WDR33: variants seen among roughly 807,000 people sequenced by gnomAD.
The protein encoded by WDR33 is WD repeat domain 33, also known as pre-mRNA 3' end processing protein WDR33.
WDR33 carries 47 observed loss-of-function variants against 164.9 expected under a neutral mutation model. The ratio of observed to expected loss-of-function variants is 0.29; its 90% confidence interval spans 0.23 to 0.36. WDR33 has a LOEUF of 0.36. Ranked by LOEUF, WDR33 falls within the 10% of genes least tolerant of loss-of-function variation. WDR33 has a pLI of 1.00. For synonymous variants in WDR33, 505 were observed against 589.0 expected (o/e 0.86, Z 2.06); for missense variants, 1,137 against 1,754.1 (o/e 0.65, Z 6.28).
In WDR33 at chr2:127,708,054, C is replaced by A. The variant is rs1399311831; in HGVS notation, c.3781+623G>T. ...GCTGGGGCATGCGGGGAGCAGCCTT[C>A]CCAGAAGCTTCCGAGCCACACCACC... On this transcript the variant is annotated intron_variant, in intron 21 of 21. Transcript: ENST00000322313. The surrounding 1 kb of genome is among the most constrained non-coding windows in gnomAD (Gnocchi z 6.7). Among the ~76,000 whole-genome samples, 2 of 152,240 alleles carry A rather than the reference C, an allele frequency of 1.3e-5. No homozygotes were observed. The highest frequency in any genetic ancestry group is 3.4e-3 in the Middle Eastern group (1 of 294).
At chr2:127,733,723 A>C (rs1052703552) in intron 7 of WDR33, among the ~76,000 whole-genome samples, 2 of 152,166 alleles carry the variant, frequency 1.3e-5, no homozygotes, top group Non-Finnish European at 2.9e-5. Context: ...AAAACAAAAA[A>C]CAAAAAAACC....
At position 127,722,523 on chromosome 2, in the gene WDR33, C is replaced by T. The variant is rs1686465266; in HGVS notation, c.1518+68G>A. The T allele has an allele frequency of 1.3e-5, 21 of 1,570,084 alleles. No homozygotes were observed. In the South Asian group the frequency reaches 2.4e-4, roughly 18 times the overall value. On this transcript the variant is annotated intron_variant, in intron 14 of 21. Coordinates refer to ENST00000322313, the MANE Select transcript of WDR33 (RefSeq NM_018383.5). The surrounding 1 kb of genome is among the most constrained non-coding windows in gnomAD (Gnocchi z 5.1). Reference sequence around the variant, plus strand: ...AAACACCTTCAACAGTGAGATAATCCAAGAGAAACCTCAAACTAACCAACC... The same window carrying T: ...AAACACCTTCAACAGTGAGATAATCTAAGAGAAACCTCAAACTAACCAACC...
chr2:127,794,556 G>A (rs1189687708), intron 1 of WDR33, among the ~76,000 whole-genome samples: 1 of 151,570 alleles, frequency 6.6e-6, no homozygotes, highest in Non-Finnish European at 1.5e-5. Flanking sequence ...AAAGAGGTCA[G>A]GCACAGTAGC....
At chr2:127,736,996 C>T (rs1335376774) in intron 7 of WDR33, 2 of 985,222 alleles carry the variant, frequency 2.0e-6, no homozygotes, top group South Asian at 9.4e-5. Context: ...TTCCAAAACA[C>T]TGCCTGAGGG....
chr2:127,758,595 G>A (rs1459548599), intron 7 of WDR33, among the ~76,000 whole-genome samples: 1 of 152,156 alleles, frequency 6.6e-6, no homozygotes, highest in Non-Finnish European at 1.5e-5. Context: ...ATTAAAGCAC[G>A]CTGAAACTTG....
chr2:127,772,123 C>G (rs940049131), intron 1 of WDR33, among the ~76,000 whole-genome samples: 8 of 151,948 alleles, frequency 5.3e-5, no homozygotes, highest in Non-Finnish European at 1.0e-4. Flanking sequence ...GCCACCAAGC[C>G]TGGCCTTACA....
chr2:127,801,278 T>C (rs1273465908), intron 1 of WDR33, among the ~76,000 whole-genome samples: 13 of 152,006 alleles, frequency 8.6e-5, no homozygotes, highest in Admixed American at 5.9e-4. Context: ...AGGAGACCTT[T>C]TCTCAGAGGA....
intron 17 of WDR33, among the ~76,000 whole-genome samples, chr2:127,715,564 G>A (rs1686280331): frequency 6.6e-6 from 1 of 152,150 alleles, no homozygotes; most frequent in Non-Finnish European, 1.5e-5. Flanking sequence ...AGTTTGCAAA[G>A]ATCCTAGCTC....
At chr2:127,788,732 C>A (rs1160200631) in intron 1 of WDR33, among the ~76,000 whole-genome samples, 4 of 146,224 alleles carry the variant, frequency 2.7e-5, no homozygotes, top group Non-Finnish European at 4.6e-5. Context: ...GATGGCACGG[C>A]TGGCCGGTCG....
In WDR33 at chr2:127,768,945, A is replaced by G; in HGVS notation, c.261T>C (p.Gly87=). ...RDMRAIQPDA[G]YYNDLVPPIG... ...ATCATGTACTTACATCATTGTAATA[A>G]CCTGCATCAGGCTGAATTGCCCGCA... The change falls in exon 3 of 22, where the codon GGT becomes GGC. Residue 87 remains glycine (G), a synonymous_variant. Transcript: ENST00000322313. 1.3e-6 allele frequency: 2 copies of G among 1,592,958 alleles called. No individual in the cohort carries two copies. The highest frequency in any genetic ancestry group is 1.7e-5 in the Admixed American group (1 of 57,320).
chr2:127,768,108 T>G (rs1687877215), intron 4 of WDR33, 81 bp downstream of exon 4: 1 of 825,312 alleles, frequency 1.2e-6, no homozygotes, highest in Non-Finnish European at 1.7e-6. Context: ...AAATAATGTT[T>G]AATTTTCTTT....
chr2:127,775,775 A>G (rs1255308990), intron 1 of WDR33, among the ~76,000 whole-genome samples: 1 of 152,228 alleles, frequency 6.6e-6, no homozygotes, highest in Non-Finnish European at 1.5e-5. Context: ...TTTGTTCAGT[A>G]AAACGGGTTC....
chr2:127,753,973 T>C (rs1307166276), intron 7 of WDR33, among the ~76,000 whole-genome samples: 1 of 152,188 alleles, frequency 6.6e-6, no homozygotes, highest in Non-Finnish European at 1.5e-5. Flanking sequence ...ACTCCTAAAA[T>C]TATTCCATTT....
intron 4 of WDR33, among the ~76,000 whole-genome samples, chr2:127,767,539 C>G (rs1377217521): frequency 6.6e-6 from 1 of 151,872 alleles, no homozygotes; most frequent in Non-Finnish European, 1.5e-5. Context: ...CGGTGAAACC[C>G]CGTCTCTACT....
intron 1 of WDR33, among the ~76,000 whole-genome samples, chr2:127,772,261 A>AC (rs1294773236): frequency 6.6e-6 from 1 of 152,058 alleles, no homozygotes; most frequent in Non-Finnish European, 1.5e-5. Context: ...ACATGGTGAA[A>AC]CCCCGTCTCT....
At chr2:127,766,205 T>C (rs545378174) in intron 4 of WDR33, among the ~76,000 whole-genome samples, 1 of 152,344 alleles carries the variant, frequency 6.6e-6, no homozygotes, top group East Asian at 1.9e-4. Context: ...ACACTCATTT[T>C]CCTTAAAAGA....
intron 18 of WDR33, among the ~76,000 whole-genome samples, chr2:127,711,712 G>A (rs1686168073): frequency 1.4e-5 from 2 of 143,112 alleles, no homozygotes; most frequent in Admixed American, 7.0e-5. Flanking sequence ...CACCACCCCT[G>A]AGGGTGGGCT....
chr2:127,717,969 C>T lies in WDR33; in HGVS notation c.2761-706G>A, dbSNP rs1486274276. On this transcript the variant is annotated intron_variant, in intron 16 of 21. Coordinates refer to ENST00000322313, the MANE Select transcript of WDR33 (RefSeq NM_018383.5). The surrounding 1 kb of genome is among the most constrained non-coding windows in gnomAD (Gnocchi z 5.6). ...ATAACTTACAATAAATAATATTATA[C>T]ACACATACAACTGAGCAGTAAATTA... 6.6e-6 allele frequency among the ~76,000 whole-genome samples: 1 copy of T among 152,022 alleles called. No individual in the cohort carries two copies. Among genetic ancestry groups the T allele is most frequent in the Non-Finnish European group, 1.5e-5 (1 of 68,014 alleles).
rs1349060674 is a variant in WDR33 at position 127,770,064 on chromosome 2, A to C, written c.204+714T>G. Among the ~76,000 whole-genome samples, 1 of 152,172 alleles carries C rather than the reference A, an allele frequency of 6.6e-6. No homozygotes were observed. Among genetic ancestry groups the C allele is most frequent in the Non-Finnish European group, 1.5e-5 (1 of 68,030 alleles). Reference sequence around the variant, plus strand: ...CCAGGGCTTGGAAGTGGGAGAATCCATGTTCTCCAAGCCAGTGTCTCACAA... The same window carrying C: ...CCAGGGCTTGGAAGTGGGAGAATCCCTGTTCTCCAAGCCAGTGTCTCACAA... On this transcript the variant is annotated intron_variant, in intron 2 of 21. Coordinates refer to ENST00000322313, the MANE Select transcript of WDR33 (RefSeq NM_018383.5). The surrounding 1 kb of genome is among the most constrained non-coding windows in gnomAD (Gnocchi z 4.9).
Sources: gnomAD v4.1 joint callset for allele counts (sites outside exome capture counted in the v4.1 genomes callset) on GRCh38, gnomAD v4.1.1 for gene constraint, Gnocchi (gnomAD v3.1) non-coding constraint, MANE v1.5 for transcripts, NCBI Gene and HGNC (gene_info 2026-07-23, HGNC 2026-07-21) for gene names.